PCDHGA3: variants seen among roughly 807,000 people sequenced by gnomAD.
PCDHGA3 encodes protocadherin gamma subfamily A, 3, also known as protocadherin gamma-A3.
Under a neutral mutation model 58.5 loss-of-function variants are expected in PCDHGA3, and 40 were observed. That is an observed-to-expected ratio of 0.68 (90% CI 0.53 to 0.89). PCDHGA3 has a LOEUF of 0.89. Ranked by LOEUF, PCDHGA3 falls within the 40% of genes least tolerant of loss-of-function variation. The probability of loss-of-function intolerance (pLI) is 0.00; values close to 1 mark genes in which losing one functional copy is unlikely to be tolerated. For missense variants in PCDHGA3, 1,223 were observed against 1,195.9 expected (o/e 1.02, Z -0.33); for synonymous variants, 530 against 525.7 (o/e 1.01, Z -0.11).
intron 1 of PCDHGA3, chr5:141,364,740 A>T: frequency 6.2e-7 from 1 of 1,613,970 alleles, no homozygotes; most frequent in Middle Eastern, 1.6e-4. Flanking sequence ...CGGGATGAAG[A>T]GTTAAAAGTA....
chr5:141,457,632 G>T (rs919693977), intron 1 of PCDHGA3, among the ~76,000 whole-genome samples: 1 of 152,142 alleles, frequency 6.6e-6, no homozygotes, highest in Non-Finnish European at 1.5e-5. Context: ...CTTATACTTG[G>T]CCTGATTATT....
Position 141,429,390 on chromosome 5 carries a change from A to ATTTT in PCDHGA3, c.2425-65417_2425-65416insTTTT, listed in dbSNP as rs1561841316. ...TGGAGAAAATGTGTTTTTTTTTTAA[A>ATTTT]AAAAATTGAGATTAAGGTCTCATTA... On this transcript the variant is annotated intron_variant, in intron 1 of 3. Coordinates refer to ENST00000253812, the MANE Select transcript of PCDHGA3 (RefSeq NM_018916.4). 1.2e-4 allele frequency among the ~76,000 whole-genome samples: 18 copies of ATTTT among 150,328 alleles called. No homozygotes were observed. In the East Asian group the frequency reaches 1.9e-3, roughly 16 times the overall value.
chr5:141,371,769 G>C lies in PCDHGA3; in HGVS notation c.2424+25312G>C, dbSNP rs755229487. Reference sequence around the variant, plus strand: ...CGTTTTCCACCAGGCCTCCTACACCGTGCATGTAGCTGAGAACAATCCGCC... The same window carrying C: ...CGTTTTCCACCAGGCCTCCTACACCCTGCATGTAGCTGAGAACAATCCGCC... On this transcript the variant is annotated intron_variant, in intron 1 of 3. Transcript: ENST00000253812. 43 of 1,613,880 alleles carry C rather than the reference G, an allele frequency of 2.7e-5. No individual in the cohort carries two copies. Among genetic ancestry groups the C allele is most frequent in the Admixed American group, 6.7e-5 (4 of 60,016 alleles).
At chr5:141,492,548 C>A (rs1028674110) in intron 1 of PCDHGA3, among the ~76,000 whole-genome samples, 1 of 152,218 alleles carries the variant, frequency 6.6e-6, no homozygotes, top group Non-Finnish European at 1.5e-5. Flanking sequence ...TGGGCCGGGT[C>A]GCCTGGGGGG....
chr5:141,496,440 A>G (rs2099768848), intron 2 of PCDHGA3, among the ~76,000 whole-genome samples: 1 of 152,158 alleles, frequency 6.6e-6, no homozygotes, highest in South Asian at 2.1e-4. Flanking sequence ...AAGTTGCTAC[A>G]GATGCTGAGC....
chr5:141,422,575 C>G, intron 1 of PCDHGA3: 1 of 1,613,976 alleles, frequency 6.2e-7, no homozygotes, highest in Non-Finnish European at 8.5e-7. Flanking sequence ...CAACGATAAC[C>G]CTCCCGTTTT....
intron 1 of PCDHGA3, chr5:141,394,886 C>CT: frequency 1.9e-6 from 3 of 1,613,890 alleles, no homozygotes; most frequent in Non-Finnish European, 2.5e-6. Context: ...GCCTTACACT[C>CT]TATCTCGTGG....
In PCDHGA3 at chr5:141,382,919, G is replaced by A. The variant is rs1467219150; in HGVS notation, c.2424+36462G>A. 14 of 1,559,330 alleles carry A rather than the reference G, an allele frequency of 9.0e-6. No homozygotes were observed. Among genetic ancestry groups the A allele is most frequent in the Non-Finnish European group, 1.1e-5 (13 of 1,152,236 alleles). ...ACGACTATGGCGGCTCAGCCGAGGG[G>A]CGGGGACTACAGAGGATTCTTCCTG... On this transcript the variant is annotated intron_variant, in intron 1 of 3. Coordinates refer to ENST00000253812, the MANE Select transcript of PCDHGA3 (RefSeq NM_018916.4).
At chr5:141,379,059 G>A (rs1775341462) in intron 1 of PCDHGA3, 1 of 152,158 alleles carries the variant, frequency 6.6e-6, no homozygotes, top group Admixed American at 6.5e-5. Context: ...GAATGGATTG[G>A]CCACTTGTGC....
At chr5:141,436,347 CT>C (rs1402378657) in intron 1 of PCDHGA3, among the ~76,000 whole-genome samples, 1 of 152,118 alleles carries the variant, frequency 6.6e-6, no homozygotes, top group African/African-American at 2.4e-5. Context: ...ATATCAGTGA[CT>C]TCAATCAACT....
At chr5:141,405,369 T>C in intron 1 of PCDHGA3, 3 of 1,606,526 alleles carry the variant, frequency 1.9e-6, no homozygotes, top group Non-Finnish European at 2.5e-6. Context: ...GACACCCCTT[T>C]GGTTCCGGTG....
intron 1 of PCDHGA3, chr5:141,371,148 G>T (rs759466044): frequency 9.9e-6 from 16 of 1,613,892 alleles, no homozygotes; most frequent in South Asian, 4.4e-5. Context: ...GGTCAATGTT[G>T]CAGAGAACCT....
In PCDHGA3 at chr5:141,477,718, A is replaced by G; in HGVS notation, c.2425-17089A>G. 6.2e-7 allele frequency: 1 copy of G among 1,613,928 alleles called. No homozygotes were observed. The highest frequency in any genetic ancestry group is 8.5e-7 in the Non-Finnish European group (1 of 1,180,034). On this transcript the variant is annotated intron_variant, in intron 1 of 3. Coordinates refer to ENST00000253812, the MANE Select transcript of PCDHGA3 (RefSeq NM_018916.4). The surrounding 1 kb of genome is among the most constrained non-coding windows in gnomAD (Gnocchi z 4.9). ...ACTATGAGGATCGGCGGGAATTTGA[A>G]TTAACAGCTCATATCAGCGATGGGG...
intron 1 of PCDHGA3, chr5:141,403,191 G>T (rs368387997): frequency 6.2e-7 from 1 of 1,613,994 alleles, no homozygotes; most frequent in Non-Finnish European, 8.5e-7. Flanking sequence ...CTGAACCCGC[G>T]CAGCGGCACC....
At chr5:141,403,172 C>T in intron 1 of PCDHGA3, 1 of 1,614,018 alleles carries the variant, frequency 6.2e-7, no homozygotes, top group Non-Finnish European at 8.5e-7. Context: ...TAGGACGCAG[C>T]TTTTCTCTCT....
At chr5:141,475,803 G>T in intron 1 of PCDHGA3, 1 of 319,920 alleles carries the variant, frequency 3.1e-6, no homozygotes, top group Non-Finnish European at 5.7e-6. Flanking sequence ...GAAGCCAAAG[G>T]AAAGTGAAGT....
rs2154591305 is a variant in PCDHGA3, at chr5:141,493,879, G to A, written c.2425-928G>A. Among the ~76,000 whole-genome samples the A allele has an allele frequency of 6.6e-6, 1 of 152,288 alleles. No homozygotes were observed. The highest frequency in any genetic ancestry group is 6.5e-5 in the Admixed American group (1 of 15,302). ...CCCACCCCAGAACCAGTGAGGAGGT[G>A]GCTCTAGGAGTGCTCCATGAGAGTG... On this transcript the variant is annotated intron_variant, in intron 1 of 3. Coordinates refer to ENST00000253812, the MANE Select transcript of PCDHGA3 (RefSeq NM_018916.4). This position sits in a 1 kb window ranked among gnomAD's most constrained non-coding sequence, Gnocchi z 4.3.
intron 1 of PCDHGA3, chr5:141,408,050 G>C: frequency 7.9e-7 from 1 of 1,259,544 alleles, no homozygotes; most frequent in South Asian, 1.6e-5. Context: ...CCCACACAGA[G>C]CCTCCCGGCT....
intron 1 of PCDHGA3, chr5:141,356,065 T>C (rs745777482): frequency 1.2e-6 from 2 of 1,613,808 alleles, no homozygotes; most frequent in South Asian, 2.2e-5. Flanking sequence ...AGACAAAATA[T>C]CACAGCTATT....
Sources: allele counts gnomAD v4.1 joint callset (sites outside exome capture counted in the v4.1 genomes callset), GRCh38; gene constraint gnomAD v4.1.1; non-coding constraint Gnocchi (gnomAD v3.1); transcripts MANE v1.5; gene names NCBI Gene and HGNC (gene_info 2026-07-23, HGNC 2026-07-21).